Variants in KRT77 observed in about 807,000 individuals in gnomAD.
KRT77 encodes the protein keratin, type II cytoskeletal 1b.
Under a neutral mutation model 51.5 loss-of-function variants are expected in KRT77, and 44 were observed. The ratio of observed to expected loss-of-function variants is 0.85; its 90% confidence interval spans 0.67 to 1.10. The LOEUF (loss-of-function observed/expected upper bound fraction) is 1.10. Among genes scored for constraint, KRT77 ranks in the 50% least tolerant of loss-of-function variants. KRT77 has a pLI of 0.00. For synonymous variants in KRT77, 293 were observed against 302.0 expected, an observed-to-expected ratio of 0.97 and a Z score of 0.31; for missense variants, 763 against 743.9, an observed-to-expected ratio of 1.03 and a Z score of -0.30.
rs1256413704 is a variant in KRT77, at chr12:52,696,371, T to C, written c.818A>G (p.Lys273Arg). The change falls in exon 3 of 9, where the codon AAG (lysine) becomes AGG (arginine). Residue 273 changes from lysine (K) to arginine (R), a missense_variant and splice_region_variant. Coordinates refer to ENST00000341809, the MANE Select transcript of KRT77 (RefSeq NM_175078.3). ...CCTCAGGACTCCCCTTTCCCTCACC[T>C]TCTTCAGGACGACAAAGTCATTCTC... is the stretch of plus-strand genomic sequence containing the variant. ...GSENDFVVLKKDVDAAYVSKV... is the reference protein window; with the variant it reads ...GSENDFVVLKRDVDAAYVSKV... The C allele has an allele frequency of 6.2e-7, 1 of 1,614,168 alleles. No homozygotes were observed. Among genetic ancestry groups the C allele is most frequent in the East Asian group, 2.2e-5 (1 of 44,892 alleles).
In KRT77 at chr12:52,698,040, G is replaced by A. The variant is rs142927647; in HGVS notation, c.544-144C>T. ...AAGGGTCAGAGAGCTTCCTTTTCTC[G>A]GGATTGAGACACACAGAGGGCAATG... On this transcript the variant is annotated intron_variant, in intron 1 of 8. Coordinates refer to ENST00000341809, the MANE Select transcript of KRT77 (RefSeq NM_175078.3). The A allele has an allele frequency of 6.0e-5, 85 of 1,421,792 alleles. No individual in the cohort carries two copies. In the East Asian group the frequency reaches 1.8e-3, roughly 30 times the overall value. The allele number at this position is 1,421,792 out of a possible 1,614,324, so 88.1% of individuals were successfully genotyped here. A position where few individuals can be genotyped will look rare whatever the true frequency, so the allele number is the denominator to read the frequency against.
intron 4 of KRT77, chr12:52,695,085 C>T (rs116245423): frequency 2.3e-3 from 505 of 216,982 alleles, no homozygotes; most frequent in African/African-American, 0.01. Context: ...AGCTGGGCTC[C>T]TTGGCAGGCA....
At chr12:52,697,471 C>T (rs1180303448) in intron 2 of KRT77, among the ~76,000 whole-genome samples, 1 of 152,178 alleles carries the variant, frequency 6.6e-6, no homozygotes, top group Non-Finnish European at 1.5e-5. Flanking sequence ...GCTATCCTGC[C>T]CCTCCCCACC....
intron 1 of KRT77, among the ~76,000 whole-genome samples, chr12:52,700,013 A>G (rs1941862421): frequency 6.6e-6 from 1 of 152,230 alleles, no homozygotes. Flanking sequence ...TCCAAGGGTC[A>G]GCTGATCAAG....
intron 1 of KRT77, among the ~76,000 whole-genome samples, chr12:52,699,185 G>GTAAAAATT (rs1440022471): frequency 2.6e-5 from 4 of 152,180 alleles, no homozygotes; most frequent in Non-Finnish European, 5.9e-5. Context: ...ACTCTGTGGT[G>GTAAAAATT]GCACTCCCAG....
intron 2 of KRT77, among the ~76,000 whole-genome samples, chr12:52,697,099 A>G (rs1565653571): frequency 6.6e-6 from 1 of 152,250 alleles, no homozygotes; most frequent in Non-Finnish European, 1.5e-5. Context: ...TACAGCCACA[A>G]TACTAAGAAC....
chr12:52,698,501 G>T (rs1941834326), intron 1 of KRT77, among the ~76,000 whole-genome samples: 1 of 152,156 alleles, frequency 6.6e-6, no homozygotes, highest in South Asian at 2.1e-4. Context: ...AAAGTCTAAT[G>T]CATTCAAGTG....
At chr12:52,691,995 C>A in intron 7 of KRT77, 23 bp from the exon 8 acceptor site, 1 of 1,613,690 alleles carries the variant, frequency 6.2e-7, no homozygotes, top group South Asian at 1.1e-5. Context: ...AGCACACGGT[C>A]AGCCAGACCC....
chr12:52,703,178 C>T lies in KRT77; in HGVS notation c.257G>A (p.Gly86Glu). 1 of 1,612,290 alleles carries T rather than the reference C, an allele frequency of 6.2e-7. No individual in the cohort carries two copies. Residue 86 changes from glycine to glutamate, a missense_variant, in exon 1 of 9, where the codon GGG becomes GAG. Physicochemically the swap from Gly to Glu is moderately conservative, Grantham distance 98 (BLOSUM62 -2). Coordinates refer to ENST00000341809, the MANE Select transcript of KRT77 (RefSeq NM_175078.3). ...GCCCCCTCCAAATCCCCCTACTCCCCCACCCTGGCAGAAACCACTGGTGCT... is the reference window on the plus strand; with the variant it reads ...GCCCCCTCCAAATCCCCCTACTCCCTCACCCTGGCAGAAACCACTGGTGCT... The part of the protein sequence containing the change: ...GRSTSGFCQG[G>E]GVGGFGGGRG...
chr12:52,698,813 C>T (rs529523795), intron 1 of KRT77, among the ~76,000 whole-genome samples: 3 of 152,362 alleles, frequency 2.0e-5, no homozygotes, highest in Middle Eastern at 3.4e-3. Context: ...CGCATGCAGG[C>T]GCACACGCCC....
At chr12:52,698,884 C>T (rs975836862) in intron 1 of KRT77, among the ~76,000 whole-genome samples, 1 of 152,234 alleles carries the variant, frequency 6.6e-6, no homozygotes, top group Non-Finnish European at 1.5e-5. Context: ...AGGGGCAAAC[C>T]CACTGCTTTG....
intron 1 of KRT77, among the ~76,000 whole-genome samples, chr12:52,700,857 C>T (rs1423109114): frequency 6.6e-6 from 1 of 152,106 alleles, no homozygotes; most frequent in Non-Finnish European, 1.5e-5. Context: ...TAAAGGATGG[C>T]TCTGCTGTGG....
chr12:52,698,137 G>T (rs1274348629), intron 1 of KRT77: 41 of 1,423,020 alleles, frequency 2.9e-5, no homozygotes, highest in Non-Finnish European at 3.8e-5. Flanking sequence ...TGGTTTTGAA[G>T]GTAAATCACC....
Position 52,690,909 on chromosome 12 carries a change from A to G in KRT77, c.*256T>C, listed in dbSNP as rs1941693452. The G allele has an allele frequency of 3.5e-6, 2 of 576,630 alleles. No individual in the cohort carries two copies. The highest frequency in any genetic ancestry group is 3.3e-5 in the Admixed American group (1 of 30,682). The allele number at this position is 576,630 out of a possible 1,614,324, so 35.7% of individuals were successfully genotyped here. ...CCAAAAAGGTGGGAGCAGGAACAGC[A>G]GCAGGGCCAGCAGAGCGGGGTCTGA... On this transcript the variant is annotated 3_prime_UTR_variant, in exon 9 of 9. Transcript: ENST00000341809.
intron 2 of KRT77, 82 bp downstream of exon 2, chr12:52,697,600 A>G: frequency 2.4e-6 from 1 of 411,048 alleles, no homozygotes; most frequent in East Asian, 7.0e-5. Flanking sequence ...CCTTACACAC[A>G]AACACTGAAG....
intron 7 of KRT77, among the ~76,000 whole-genome samples, 169 bp from the exon 8 acceptor site, chr12:52,692,141 A>T (rs1941719940): frequency 6.6e-6 from 1 of 152,240 alleles, no homozygotes; most frequent in African/African-American, 2.4e-5. Context: ...GTTTTCATGA[A>T]GCCTTTTAGC....
In KRT77 at chr12:52,691,264, G is replaced by T. The variant is rs985787586; in HGVS notation, c.1638C>A (p.Gly546=). Residue 546 remains glycine (G), a synonymous_variant, in exon 9 of 9, where the codon GGC becomes GGA. Coordinates refer to ENST00000341809, the MANE Select transcript of KRT77 (RefSeq NM_175078.3). ...GGYGSGCGGG[G]GSYGGSGRSG... is the part of the protein sequence containing the mutation. ...TTCTGCCGCTCCCTCCGTAGCTCCCGCCACCGCCGCCGCAGCCGCTGCCAT... is the reference window on the plus strand; with the variant it reads ...TTCTGCCGCTCCCTCCGTAGCTCCCTCCACCGCCGCCGCAGCCGCTGCCAT... The T allele has an allele frequency of 1.2e-6, 2 of 1,602,494 alleles. No homozygotes were observed. The highest frequency in any genetic ancestry group is 1.7e-6 in the Non-Finnish European group (2 of 1,174,720).
intron 1 of KRT77, among the ~76,000 whole-genome samples, chr12:52,699,473 C>G (rs1215578531): frequency 6.6e-6 from 1 of 152,226 alleles, no homozygotes; most frequent in Non-Finnish European, 1.5e-5. Flanking sequence ...TCAGTAAAAG[C>G]CACTGTGTTT....
At position 52,694,759 on chromosome 12, in the gene KRT77, T is replaced by C. The variant is rs533060920; in HGVS notation, c.947A>G (p.Asp316Gly). 6.2e-6 allele frequency: 10 copies of C among 1,611,168 alleles called. No individual in the cohort carries two copies. In the East Asian group the frequency reaches 2.2e-4, roughly 36 times the overall value. Residue 316 changes from aspartate to glycine, a missense_variant, in exon 5 of 9, where the codon GAC becomes GGC. Asp to Gly is a moderately conservative substitution (Grantham distance 94). Coordinates refer to ENST00000341809, the MANE Select transcript of KRT77 (RefSeq NM_175078.3). ...ELSQVQTHISDTNVILSMDNN... is the reference protein window; with the variant it reads ...ELSQVQTHISGTNVILSMDNN... ...GTCCATGGACAGGATGACGTTGGTG[T>C]CGCTGATGTGAGTCTGCACCTGAGA...
Sources: gnomAD v4.1 joint callset for allele counts (sites outside exome capture counted in the v4.1 genomes callset) on GRCh38, gnomAD v4.1.1 for gene constraint, MANE v1.5 for transcripts, NCBI Gene and HGNC (gene_info 2026-07-23, HGNC 2026-07-21) for gene names.